Variants in FCRL3 observed in about 807,000 individuals in gnomAD.
The protein encoded by FCRL3 is Fc receptor like 3.
In FCRL3, 89 loss-of-function variants were observed where a neutral mutation model predicts 75.0. The ratio of observed to expected loss-of-function variants is 1.19; its 90% confidence interval spans 1.00 to 1.42. FCRL3 has a LOEUF of 1.42. FCRL3 is among the 40% of genes most tolerant of loss of function. The probability of loss-of-function intolerance (pLI) is 0.00; values close to 1 mark genes in which losing one functional copy is unlikely to be tolerated. For missense variants in FCRL3, 946 were observed against 880.0 expected, an observed-to-expected ratio of 1.07 and a Z score of -0.95; for synonymous variants, 376 against 348.5, an observed-to-expected ratio of 1.08 and a Z score of -0.88.
At chr1:157,691,121 G>A (rs1289273350) in intron 8 of FCRL3, among the ~76,000 whole-genome samples, 3 of 152,204 alleles carry the variant, frequency 2.0e-5, no homozygotes, top group African/African-American at 4.8e-5. Context: ...ATAGCTGTTG[G>A]AACTTTGCCT....
Position 157,677,737 on chromosome 1 carries a change from TTATC to T in FCRL3, c.*969_*972del, listed in dbSNP as rs1189608517. 3.5e-6 allele frequency: 2 copies of T among 572,798 alleles called. No individual in the cohort carries two copies. Among genetic ancestry groups the T allele is most frequent in the Admixed American group, 1.3e-4 (2 of 15,782 alleles). 35.5% of individuals were successfully genotyped at this position (572,798 alleles called of 1,614,324 possible). A position where few individuals can be genotyped will look rare whatever the true frequency, so the allele number is the denominator to read the frequency against. Reference sequence around the variant, plus strand: ...CATGAAGAGAAAGTACTAAAAAAAATTATCTACAACAATATGGTCTTTAACTTAT... The same window carrying T: ...CATGAAGAGAAAGTACTAAAAAAAATTACAACAATATGGTCTTTAACTTAT... On this transcript the variant is annotated 3_prime_UTR_variant, in exon 15 of 15. Coordinates refer to ENST00000368184, the MANE Select transcript of FCRL3 (RefSeq NM_052939.4).
intron 8 of FCRL3, chr1:157,691,862 A>ACCATG (rs1452116815): frequency 6.6e-6 from 1 of 152,220 alleles, no homozygotes; most frequent in Non-Finnish European, 1.5e-5. Flanking sequence ...ACTGAAAAAG[A>ACCATG]CCATGGTTAT....
At chr1:157,694,186 A>T (rs1655746434) in intron 8 of FCRL3, among the ~76,000 whole-genome samples, 1 of 152,170 alleles carries the variant, frequency 6.6e-6, no homozygotes, top group Non-Finnish European at 1.5e-5. Flanking sequence ...AATACTTTTG[A>T]TGGAGAGTGG....
rs576162680 is a variant in FCRL3, at chr1:157,697,152, T to C, written c.832A>G (p.Ile278Val). The part of the protein sequence containing the change: ...SIKKRSLRSQ[I>V]RVQRVPVSNV... ...CTTAGACACTCACTCTGTACACGTA[T>C]CTGAGATCTCAGGCTCCTTTTTTTG... The change falls in exon 6 of 15, where the codon ATA becomes GTA. Residue 278 changes from isoleucine (I) to valine (V), a missense_variant. Coordinates refer to ENST00000368184, the MANE Select transcript of FCRL3 (RefSeq NM_052939.4). 1 of 1,507,508 alleles carries C rather than the reference T, an allele frequency of 6.6e-7. No homozygotes were observed. The highest frequency in any genetic ancestry group is 1.4e-5 in the African/African-American group (1 of 71,490). The allele number at this position is 1,507,508 out of a possible 1,614,324, so 93.4% of individuals were successfully genotyped here.
At chr1:157,684,425 T>A (rs1222214159) in intron 10 of FCRL3, among the ~76,000 whole-genome samples, 4 of 152,186 alleles carry the variant, frequency 2.6e-5, no homozygotes, top group African/African-American at 9.6e-5. Flanking sequence ...TAGAGGGGTA[T>A]GATCAGGATC....
intron 12 of FCRL3, 105 bp from the exon 13 acceptor site, chr1:157,680,875 T>TAG: frequency 7.0e-7 from 1 of 1,434,922 alleles, no homozygotes; most frequent in Non-Finnish European, 9.7e-7. Flanking sequence ...AGTGTAATGC[T>TAG]AGGAATGTCA....
rs879258382 is a variant in FCRL3 at position 157,679,828 on chromosome 1, C to CA, written c.2027-856dup. Among the ~76,000 whole-genome samples, 69 of 27,878 alleles carry CA rather than the reference C, an allele frequency of 2.5e-3. 1 individual carries two copies. Among genetic ancestry groups the CA allele is most frequent in the East Asian group, 4.6e-3 (3 of 658 alleles). 18.3% of individuals were successfully genotyped at this position (27,878 alleles called of 152,430 possible). On this transcript the variant is annotated intron_variant, in intron 13 of 14. Coordinates refer to ENST00000368184, the MANE Select transcript of FCRL3 (RefSeq NM_052939.4). Reference sequence around the variant, plus strand: ...TGGGCGACAGAACGAGACCCCATCTCACAAAAAAAAAAAAAAAAAAAAAAA... The same window carrying CA: ...TGGGCGACAGAACGAGACCCCATCTCAACAAAAAAAAAAAAAAAAAAAAAAA...
intron 10 of FCRL3, among the ~76,000 whole-genome samples, chr1:157,686,458 C>A (rs1419957550): frequency 6.6e-6 from 1 of 151,904 alleles, no homozygotes; most frequent in African/African-American, 2.4e-5. Context: ...CATATGGAAC[C>A]AAAAAAGAGC....
chr1:157,679,753 C>T (rs1019711432), intron 13 of FCRL3, among the ~76,000 whole-genome samples: 2 of 133,576 alleles, frequency 1.5e-5, no homozygotes, highest in African/African-American at 5.7e-5. Flanking sequence ...CCCTTGAACC[C>T]AGGAGGCAGA....
rs1203282942 is a variant in FCRL3, at chr1:157,696,262, T to A, written c.910A>T (p.Asn304Tyr). The change falls in exon 7 of 15, where the codon AAT becomes TAT. Residue 304 changes from asparagine to tyrosine, a missense_variant. Coordinates refer to ENST00000368184, the MANE Select transcript of FCRL3 (RefSeq NM_052939.4). ...GCTACTGAGCAAATAAGGACCATAT[T>A]TTCTCCTTCAATCAGCTGCCCTCCG... ...PTGGQLIEGENMVLICSVAQG... is the reference protein window; with the variant it reads ...PTGGQLIEGEYMVLICSVAQG... 1 of 1,613,970 alleles carries A rather than the reference T, an allele frequency of 6.2e-7. No homozygotes were observed. The highest frequency in any genetic ancestry group is 8.5e-7 in the Non-Finnish European group (1 of 1,179,978).
At position 157,681,038 on chromosome 1, in the gene FCRL3, C is replaced by A; in HGVS notation, c.1900G>T (p.Glu634Ter). ...SSRPSRIDPQ[E>*]PTHSKPLAPM... Reference sequence around the variant, plus strand: ...GCTAGTGGTTTAGAGTGAGTGGGCTCTTGAGGGTCTATCCTGGAAGGCCTG... The same window carrying A: ...GCTAGTGGTTTAGAGTGAGTGGGCTATTGAGGGTCTATCCTGGAAGGCCTG... Residue 634 changes from glutamate to a stop codon, truncating the protein, a stop_gained, in exon 12 of 15, where the codon GAG (glutamate) becomes TAG (stop). Transcript: ENST00000368184. LOFTEE classifies it high-confidence loss of function. 1 of 1,606,596 alleles carries A rather than the reference C, an allele frequency of 6.2e-7. No individual in the cohort carries two copies. The highest frequency in any genetic ancestry group is 8.5e-7 in the Non-Finnish European group (1 of 1,177,614).
chr1:157,696,912 C>A (rs1435212466), intron 6 of FCRL3: 3 of 363,502 alleles, frequency 8.3e-6, no homozygotes, highest in African/African-American at 6.3e-5. Flanking sequence ...TCTCTGTAAC[C>A]CCATAGGGTT....
At chr1:157,695,755 A>G in intron 7 of FCRL3, 148 bp from the exon 8 acceptor site, 1 of 1,020,974 alleles carries the variant, frequency 9.8e-7, no homozygotes. Context: ...AACAATCAGA[A>G]GCATTTCCCC....
At chr1:157,690,615 T>G in intron 8 of FCRL3, 82 bp from the exon 9 acceptor site, 1 of 1,521,296 alleles carries the variant, frequency 6.6e-7, no homozygotes, top group Non-Finnish European at 8.9e-7. Flanking sequence ...TGCAGCATAG[T>G]TGAGTTGCGG....
chr1:157,683,396 C>A, intron 10 of FCRL3, 152 bp from the exon 11 acceptor site: 1 of 920,754 alleles, frequency 1.1e-6, no homozygotes, highest in Admixed American at 2.8e-5. Context: ...CTTACTCCCC[C>A]TATGTTATGT....
intron 3 of FCRL3, among the ~76,000 whole-genome samples, chr1:157,698,997 T>C (rs1656143500): frequency 2.0e-5 from 3 of 152,214 alleles, no homozygotes; most frequent in South Asian, 4.1e-4. Context: ...CTGGGATGTA[T>C]ATACCTCAGA....
At position 157,678,135 on chromosome 1, in the gene FCRL3, A is replaced by T; in HGVS notation, c.*575T>A. On this transcript the variant is annotated 3_prime_UTR_variant, in exon 15 of 15. Coordinates refer to ENST00000368184, the MANE Select transcript of FCRL3 (RefSeq NM_052939.4). ...TGAAATGCTGAAGTTATTTTTCATC[A>T]TAACTAGGGTAATTTGGTTGGGAAT... is the stretch of plus-strand genomic sequence containing the variant. The T allele has an allele frequency of 2.0e-6, 2 of 986,030 alleles. No individual in the cohort carries two copies. Among genetic ancestry groups the T allele is most frequent in the Non-Finnish European group, 2.4e-6 (2 of 830,422 alleles). The allele number at this position is 986,030 out of a possible 1,614,324, so 61.1% of individuals were successfully genotyped here.
chr1:157,678,137 A>T lies in FCRL3; in HGVS notation c.*573T>A, dbSNP rs150069863. 0.013 allele frequency: 13,114 copies of T among 986,146 alleles called. 106 individuals carry two copies. Among genetic ancestry groups the T allele is most frequent in the Admixed American group, 0.014 (236 of 16,356 alleles). The allele number at this position is 986,146 out of a possible 1,614,324, so 61.1% of individuals were successfully genotyped here. ...AAATGCTGAAGTTATTTTTCATCATAACTAGGGTAATTTGGTTGGGAATGT... is the reference window on the plus strand; with the variant it reads ...AAATGCTGAAGTTATTTTTCATCATTACTAGGGTAATTTGGTTGGGAATGT... On this transcript the variant is annotated 3_prime_UTR_variant, in exon 15 of 15. Coordinates refer to ENST00000368184, the MANE Select transcript of FCRL3 (RefSeq NM_052939.4).
At chr1:157,690,227 A>C in intron 9 of FCRL3, 28 bp downstream of exon 9, 1 of 1,608,052 alleles carries the variant, frequency 6.2e-7, no homozygotes, top group Non-Finnish European at 8.5e-7. Context: ...CATAACTGTG[A>C]CCTCTAGCCC....
Sources: allele counts gnomAD v4.1 joint callset (sites outside exome capture counted in the v4.1 genomes callset), GRCh38; gene constraint gnomAD v4.1.1; transcripts MANE v1.5; gene names NCBI Gene and HGNC (gene_info 2026-07-23, HGNC 2026-07-21).